Variants in NRG1 observed in about 807,000 individuals in gnomAD.
The protein encoded by NRG1 is pro-neuregulin-1, membrane-bound isoform.
Under a neutral mutation model 63.8 loss-of-function variants are expected in NRG1, and 18 were observed. The observed-to-expected ratio is 0.28, with a 90% CI of 0.19 to 0.42. The LOEUF (loss-of-function observed/expected upper bound fraction) is 0.42, where lower values mean the gene tolerates loss of function less well. Ranked by LOEUF, NRG1 falls within the 10% of genes least tolerant of loss-of-function variation. NRG1 has a pLI of 1.00. For missense variants in NRG1, 762 were observed against 814.7 expected (o/e 0.94, Z 0.79); for synonymous variants, 302 against 301.3 (o/e 1.00, Z -0.02).
intron 1 of NRG1, among the ~76,000 whole-genome samples, chr8:32,307,032 G>A (rs559906295): frequency 2.0e-5 from 3 of 152,250 alleles, no homozygotes; most frequent in South Asian, 4.1e-4. Flanking sequence ...ATATCCTTAT[G>A]CTTTAGGGAG....
rs912294645 is a variant in NRG1, at chr8:32,452,700, A to G, written c.38-143128A>G. Among the ~76,000 whole-genome samples the G allele has an allele frequency of 8.1e-5, 11 of 136,226 alleles. No individual in the cohort carries two copies. In the East Asian group the frequency reaches 2.1e-3, roughly 26 times the overall value. The allele number at this position is 136,226 out of a possible 152,430, so 89.4% of individuals were successfully genotyped here. ...GAAAAACAGAAGTATAGAGGGTAAT[A>G]TTCTAATGTGTAAACTTCTACTGTG... On this transcript the variant is annotated intron_variant, in intron 1 of 10. Transcript: ENST00000519301.
intron 4 of NRG1, among the ~76,000 whole-genome samples, chr8:32,614,791 A>T (rs527781964): frequency 6.6e-6 from 1 of 152,254 alleles, no homozygotes; most frequent in East Asian, 1.9e-4. Context: ...CATGAGTGAA[A>T]GAAATCTATA....
intron 6 of NRG1, among the ~76,000 whole-genome samples, chr8:32,735,449 T>C (rs751149263): frequency 6.6e-6 from 1 of 152,154 alleles, no homozygotes; most frequent in Non-Finnish European, 1.5e-5. Flanking sequence ...TTTTGAAATA[T>C]TTATATTGAA....
chr8:31,994,148 T>C (rs1287227017), intron 1 of NRG1, among the ~76,000 whole-genome samples: 1 of 152,064 alleles, frequency 6.6e-6, no homozygotes, highest in Non-Finnish European at 1.5e-5. Context: ...TATACAAAGA[T>C]ATTGAACCAA....
chr8:32,331,018 TGA>T (rs1449510203), intron 1 of NRG1, among the ~76,000 whole-genome samples: 1 of 152,172 alleles, frequency 6.6e-6, no homozygotes, highest in Non-Finnish European at 1.5e-5. Context: ...TCTTCTAGTA[TGA>T]GAGTTTCTAT....
chr8:31,776,377 C>G (rs935956904), intron 1 of NRG1, among the ~76,000 whole-genome samples: 3 of 152,130 alleles, frequency 2.0e-5, no homozygotes, highest in Admixed American at 6.5e-5. Flanking sequence ...GCCGGACTTG[C>G]ATTTAGATGC....
intron 1 of NRG1, among the ~76,000 whole-genome samples, chr8:31,952,174 C>T (rs1314028632): frequency 6.6e-6 from 1 of 152,152 alleles, no homozygotes; most frequent in Admixed American, 6.5e-5. Context: ...TTGGCATAGG[C>T]TTCAACTCTA....
chr8:31,911,054 A>G (rs763748585), intron 1 of NRG1, among the ~76,000 whole-genome samples: 4 of 152,128 alleles, frequency 2.6e-5, no homozygotes, highest in Non-Finnish European at 5.9e-5. Flanking sequence ...GATCCATCCA[A>G]GTTGTCAGCC....
intron 1 of NRG1, among the ~76,000 whole-genome samples, chr8:32,480,509 G>A (rs372262902): frequency 4.3e-4 from 64 of 150,322 alleles, no homozygotes; most frequent in African/African-American, 1.6e-3. Context: ...CAAAAAAAAC[G>A]AGGCAAGGTG....
chr8:32,288,843 TC>T (rs1853856208), intron 1 of NRG1, among the ~76,000 whole-genome samples: 1 of 152,228 alleles, frequency 6.6e-6, no homozygotes, highest in South Asian at 2.1e-4. Flanking sequence ...GTGACTCGTT[TC>T]TTTTCCTCTT....
chr8:32,588,603 G>A (rs1842029033), intron 1 of NRG1, among the ~76,000 whole-genome samples: 1 of 152,166 alleles, frequency 6.6e-6, no homozygotes, highest in African/African-American at 2.4e-5. Flanking sequence ...TTCTATGCAT[G>A]TTATGTGCTT....
chr8:32,512,779 A>T (rs1297016769), intron 1 of NRG1, among the ~76,000 whole-genome samples: 1 of 152,178 alleles, frequency 6.6e-6, no homozygotes, highest in Non-Finnish European at 1.5e-5. Flanking sequence ...GAGGTGTTAT[A>T]GGGAGAAATT....
At chr8:32,460,187 A>C (rs1822146019) in intron 1 of NRG1, among the ~76,000 whole-genome samples, 1 of 152,228 alleles carries the variant, frequency 6.6e-6, no homozygotes, top group Admixed American at 6.5e-5. Context: ...TGAATGAATG[A>C]AAATTGTTAG....
At chr8:32,223,804 G>A (rs975853749) in intron 1 of NRG1, among the ~76,000 whole-genome samples, 3 of 152,036 alleles carry the variant, frequency 2.0e-5, no homozygotes, top group Non-Finnish European at 2.9e-5. Flanking sequence ...GGCCCGTAGC[G>A]GAAAATTATG....
At chr8:31,788,199 G>GA (rs1245433844) in intron 1 of NRG1, among the ~76,000 whole-genome samples, 2 of 151,906 alleles carry the variant, frequency 1.3e-5, no homozygotes, top group African/African-American at 2.4e-5. Flanking sequence ...TTAAGATAAA[G>GA]AAAAAAACCC....
chr8:32,194,613 C>A (rs1434406072), intron 1 of NRG1, among the ~76,000 whole-genome samples: 1 of 152,072 alleles, frequency 6.6e-6, no homozygotes, highest in Non-Finnish European at 1.5e-5. Context: ...GACTTACATT[C>A]CCCAGGGCCA....
intron 1 of NRG1, among the ~76,000 whole-genome samples, chr8:32,196,940 A>ATTTTTTTTTTTTTTTT (rs1458233142): frequency 1.2e-4 from 4 of 33,994 alleles, no homozygotes; most frequent in Admixed American, 1.0e-3. Context: ...TTCTCAGAAC[A>ATTTTTTTTTTTTTTTT]TTCTTTTTTT....
At chr8:31,881,286 A>G (rs1830326368) in intron 1 of NRG1, among the ~76,000 whole-genome samples, 1 of 152,106 alleles carries the variant, frequency 6.6e-6, no homozygotes, top group Non-Finnish European at 1.5e-5. Flanking sequence ...GTTATTATTA[A>G]TCTGTTATGG....
chr8:32,743,594 A>ATATATATATATATG (rs1826867379), intron 7 of NRG1, among the ~76,000 whole-genome samples: 1 of 146,216 alleles, frequency 6.8e-6, no homozygotes. Context: ...ATATATATAT[A>ATATATATATATATG]TAAAACTTAA....
Sources: allele counts gnomAD v4.1 joint callset (sites outside exome capture counted in the v4.1 genomes callset), GRCh38; gene constraint gnomAD v4.1.1; transcripts MANE v1.5; gene names NCBI Gene and HGNC (gene_info 2026-07-23, HGNC 2026-07-21).